Variants in UNKL observed in about 807,000 individuals in gnomAD.
UNKL encodes unk like zinc finger.
Under a neutral mutation model 78.0 loss-of-function variants are expected in UNKL, and 60 were observed. The ratio of observed to expected loss-of-function variants is 0.77; its 90% CI spans 0.63 to 0.95. UNKL has a LOEUF of 0.95. UNKL is among the 40% of genes least tolerant of loss of function. The pLI is 0.00. For synonymous variants in UNKL, 608 were observed against 474.8 expected, an observed-to-expected ratio of 1.28 and a Z score of -3.65; for missense variants, 1,159 against 1,045.7, an observed-to-expected ratio of 1.11 and a Z score of -1.49.
intron 4 of UNKL, among the ~76,000 whole-genome samples, chr16:1,400,473 G>C (rs1404174629): frequency 7.8e-6 from 1 of 127,982 alleles, no homozygotes; most frequent in East Asian, 2.4e-4. Flanking sequence ...CATACGCAAT[G>C]TCCAGAATAC....
intron 10 of UNKL, chr16:1,379,824 C>G (rs1459277414): frequency 1.7e-6 from 1 of 596,256 alleles, no homozygotes; most frequent in African/African-American, 2.0e-5. Flanking sequence ...CCCCGCGGCT[C>G]CTGGCTACGA....
chr16:1,383,285 A>C (rs1037642803), intron 10 of UNKL, among the ~76,000 whole-genome samples: 7 of 151,498 alleles, frequency 4.6e-5, no homozygotes, highest in African/African-American at 1.5e-4. Flanking sequence ...AAAAAAAAAA[A>C]AAACAAAATC....
chr16:1,408,903 T>A (rs2037906411), intron 2 of UNKL: 2 of 151,440 alleles, frequency 1.3e-5, no homozygotes, highest in African/African-American at 4.9e-5. Flanking sequence ...GTTGGTAGTA[T>A]CAACACCCAA....
intron 6 of UNKL, 80 bp downstream of exon 6, chr16:1,397,098 G>T: frequency 6.9e-7 from 1 of 1,449,062 alleles, no homozygotes; most frequent in Non-Finnish European, 9.4e-7. Flanking sequence ...TTCCTTCTGT[G>T]TGATAACCAC....
intron 8 of UNKL, 55 bp from the exon 9 acceptor site, chr16:1,390,749 A>G (rs1394295936): frequency 1.7e-5 from 26 of 1,527,370 alleles, no homozygotes; most frequent in Non-Finnish European, 2.0e-5. Context: ...ATGTAAATTA[A>G]AAACATACAA....
At chr16:1,366,538 A>G in intron 14 of UNKL, 143 bp from the exon 15 acceptor site, 1 of 1,087,158 alleles carries the variant, frequency 9.2e-7, no homozygotes, top group African/African-American at 1.6e-5. Context: ...GAGACGCCCC[A>G]GCCAGGGCCA....
At chr16:1,392,244 G>C (rs949818644) in intron 8 of UNKL, among the ~76,000 whole-genome samples, 1 of 152,280 alleles carries the variant, frequency 6.6e-6, no homozygotes, top group East Asian at 1.9e-4. Context: ...GTAGATGCAG[G>C]AGCAGCTCTC....
Position 1,363,982 on chromosome 16 carries a change from A to G in UNKL, c.*2258T>C, listed in dbSNP as rs529206727. The stretch of plus-strand genomic sequence containing the variant: ...GAAAGAGCAGAGCAGCTGGCAGACT[A>G]GAGCTCAGCTGCTCCTGACCACTGA... On this transcript the variant is annotated 3_prime_UTR_variant, in exon 15 of 15. Coordinates refer to ENST00000389221, the MANE Select transcript of UNKL (RefSeq NM_001372107.1). 8.5e-5 allele frequency: 13 copies of G among 152,358 alleles called. No homozygotes were observed. Among genetic ancestry groups the G allele is most frequent in the Admixed American group, 8.5e-4 (13 of 15,314 alleles). The allele number at this position is 152,358 out of a possible 1,614,324, so 9.4% of individuals were successfully genotyped here.
chr16:1,394,147 G>A lies in UNKL; in HGVS notation c.921C>T (p.Ala307=), dbSNP rs1407038730. 1 of 1,550,682 alleles carries A rather than the reference G, an allele frequency of 6.4e-7. No homozygotes were observed. The highest frequency in any genetic ancestry group is 2.0e-5 in the Admixed American group (1 of 51,018). ...GTTACTCACTCTCAACGTGTGCAAAGGCACAGAAGGGGCCGCGCGGGCAGT... is the reference window on the plus strand; with the variant it reads ...GTTACTCACTCTCAACGTGTGCAAAAGCACAGAAGGGGCCGCGCGGGCAGT... The part of the protein sequence containing the change: ...TGYCPRGPFC[A]FAHVEKSLGM... Residue 307 remains alanine (A), a synonymous_variant, in exon 7 of 15, where the codon GCC becomes GCT. Transcript: ENST00000389221.
chr16:1,374,952 T>G (rs1039907450), intron 10 of UNKL, among the ~76,000 whole-genome samples: 1 of 152,184 alleles, frequency 6.6e-6, no homozygotes, highest in Non-Finnish European at 1.5e-5. Flanking sequence ...CACATGAGAT[T>G]TGTCGGGAAC....
chr16:1,385,938 A>C (rs1402912428), intron 9 of UNKL, among the ~76,000 whole-genome samples: 2 of 152,270 alleles, frequency 1.3e-5, no homozygotes, highest in African/African-American at 4.8e-5. Context: ...ACACAGGGCA[A>C]TTCACATGAT....
At chr16:1,371,756 G>T (rs2035858264) in intron 10 of UNKL, 145 bp from the exon 11 acceptor site, 7 of 825,860 alleles carry the variant, frequency 8.5e-6, no homozygotes, top group Admixed American at 2.6e-5. Context: ...GCCAGGGAAG[G>T]ACACCCCCAG....
chr16:1,366,895 G>GGCGGCTCCCAGGGGGAAAA (rs1018147909), intron 14 of UNKL, among the ~76,000 whole-genome samples, 197 bp downstream of exon 14: 3 of 152,160 alleles, frequency 2.0e-5, no homozygotes, highest in African/African-American at 7.2e-5. Flanking sequence ...TGACAGGAAA[G>GGCGGCTCCCAGGGGGAAAA]GCGGCTCCCA....
Position 1,409,536 on chromosome 16 carries a change from G to A in UNKL, c.287+4310C>T, listed in dbSNP as rs1342510210. ...TCCTTACTATGTGTGCATATACCCA[G>A]GTATCCAAAACAAAACACCAAACAG... is the stretch of plus-strand genomic sequence containing the variant. On this transcript the variant is annotated intron_variant, in intron 2 of 14. Transcript: ENST00000389221. Among the ~76,000 whole-genome samples the A allele has an allele frequency of 9.9e-5, 15 of 152,052 alleles. 1 individual carries two copies. Among genetic ancestry groups the A allele is most frequent in the Admixed American group, 9.2e-4 (14 of 15,260 alleles).
chr16:1,388,820 A>G (rs573889059), intron 9 of UNKL, among the ~76,000 whole-genome samples: 1 of 151,592 alleles, frequency 6.6e-6, no homozygotes, highest in Non-Finnish European at 1.5e-5. Context: ...CGCTAACACC[A>G]GCACCGTTCG....
chr16:1,409,152 T>C (rs2037920938), intron 2 of UNKL, among the ~76,000 whole-genome samples: 1 of 152,168 alleles, frequency 6.6e-6, no homozygotes, highest in African/African-American at 2.4e-5. Flanking sequence ...GACCTCGTGA[T>C]CTGCCCGCCT....
intron 10 of UNKL, among the ~76,000 whole-genome samples, chr16:1,374,907 A>G (rs1259626137): frequency 6.6e-6 from 1 of 152,352 alleles, no homozygotes; most frequent in African/African-American, 2.4e-5. Flanking sequence ...GAAAGGCAGG[A>G]GGGTGACTTC....
At position 1,367,670 on chromosome 16, in the gene UNKL, G is replaced by A; in HGVS notation, c.1774C>T (p.Gln592Ter). The A allele has an allele frequency of 6.4e-7, 1 of 1,567,660 alleles. No individual in the cohort carries two copies. Among genetic ancestry groups the A allele is most frequent in the Non-Finnish European group, 8.6e-7 (1 of 1,158,250 alleles). The part of the protein sequence containing the change: ...RKIRQWEESW[Q>*]QVKQVCDAWQ... ...CACACACTCACCTGCTTCACCTGCT[G>A]CCAGGACTCCTCCCACTGCCGGATC... Residue 592 changes from glutamine (Q) to a stop codon, truncating the protein, a stop_gained, in exon 13 of 15, where the codon CAG (glutamine) becomes TAG (stop). Transcript: ENST00000389221. LOFTEE classifies it high-confidence loss of function.
chr16:1,399,266 C>T lies in UNKL; in HGVS notation c.734+108G>A. ...CCCTCCCCTCCCGGGGATGATGGTG[C>T]CACAAGGGCAGCCCTCCCATTAGAA... is the stretch of plus-strand genomic sequence containing the variant. On this transcript the variant is annotated intron_variant, in intron 5 of 14. Transcript: ENST00000389221. The surrounding 1 kb of genome is among the most constrained non-coding windows in gnomAD (Gnocchi z 5.8). 7.0e-7 allele frequency: 1 copy of T among 1,418,688 alleles called. No homozygotes were observed. The highest frequency in any genetic ancestry group is 9.2e-7 in the Non-Finnish European group (1 of 1,085,742). The allele number at this position is 1,418,688 out of a possible 1,614,324, so 87.9% of individuals were successfully genotyped here. A position where few individuals can be genotyped will look rare whatever the true frequency, so the allele number is the denominator to read the frequency against.
Sources: allele counts gnomAD v4.1 joint callset (sites outside exome capture counted in the v4.1 genomes callset), GRCh38; gene constraint gnomAD v4.1.1; non-coding constraint Gnocchi (gnomAD v3.1); transcripts MANE v1.5; gene names NCBI Gene and HGNC (gene_info 2026-07-23, HGNC 2026-07-21).